The following DNM3 variants were observed in gnomAD, a reference collection of about 807,000 sequenced individuals.
DNM3 encodes the protein dynamin 3.
DNM3 carries 47 observed loss-of-function variants against 101.6 expected under a neutral mutation model. The observed-to-expected ratio is 0.46, with a 90% CI of 0.37 to 0.59. DNM3 has a LOEUF of 0.59. Ranked by LOEUF, DNM3 falls within the 20% of genes least tolerant of loss-of-function variation. The probability of loss-of-function intolerance (pLI) is 0.00; values close to 1 mark genes in which losing one functional copy is unlikely to be tolerated. For synonymous variants in DNM3, 385 were observed against 387.9 expected, an observed-to-expected ratio of 0.99 and a Z score of 0.09; for missense variants, 849 against 1,085.7, an observed-to-expected ratio of 0.78 and a Z score of 3.06.
At chr1:172,208,039 A>G (rs1160710292) in intron 14 of DNM3, among the ~76,000 whole-genome samples, 2 of 152,078 alleles carry the variant, frequency 1.3e-5, no homozygotes, top group Admixed American at 6.6e-5. Flanking sequence ...GAAAAAAAAA[A>G]TCCTTGCTTG....
At chr1:172,182,242 C>T (rs992864176) in intron 14 of DNM3, among the ~76,000 whole-genome samples, 7 of 150,524 alleles carry the variant, frequency 4.7e-5, no homozygotes, top group Admixed American at 3.3e-4. Flanking sequence ...AACAAAAAAA[C>T]GATTTCTCTA....
intron 14 of DNM3, among the ~76,000 whole-genome samples, chr1:172,162,693 CTT>C (rs1207697458): frequency 4.0e-5 from 6 of 151,706 alleles, no homozygotes; most frequent in African/African-American, 1.2e-4. Context: ...AAAACTTTGG[CTT>C]TGTTTTATAA....
chr1:172,112,988 T>C (rs2055591233), intron 13 of DNM3, among the ~76,000 whole-genome samples: 1 of 152,230 alleles, frequency 6.6e-6, no homozygotes, highest in South Asian at 2.1e-4. Flanking sequence ...CCAGTAGTTC[T>C]CATGGCTCCT....
At position 171,921,785 on chromosome 1, in the gene DNM3, C is replaced by T. The variant is rs768922405; in HGVS notation, c.199C>T (p.Arg67Ter). The T allele has an allele frequency of 4.4e-6, 7 of 1,602,394 alleles. No individual in the cohort carries two copies. The highest frequency in any genetic ancestry group is 6.0e-6 in the Non-Finnish European group (7 of 1,173,776). ...TCGAGGGTCGGGCATTGTAACAAGA[C>T]GACCTCTTGTGCTGCAGCTTGTTAC... ...LPRGSGIVTRRPLVLQLVTSK... is the reference protein window; with the variant it reads ...LPRGSGIVTR Residue 67 changes from arginine to a stop codon, truncating the protein, a stop_gained, in exon 2 of 21, where the codon CGA becomes TGA. Transcript: ENST00000627582. LOFTEE classifies it high-confidence loss of function.
intron 17 of DNM3, among the ~76,000 whole-genome samples, chr1:172,351,191 A>T (rs1447326716): frequency 6.6e-6 from 1 of 152,290 alleles, no homozygotes; most frequent in Admixed American, 6.5e-5. Flanking sequence ...CAATTAAAAA[A>T]ATTTAGATAT....
rs1461528935 is a variant in DNM3 at position 172,316,213 on chromosome 1, T to G, written c.1882-7116T>G. ...TGAGAGATTTTGTCACCACCAGGCCTGCCCTGAAAGAGCTCCTGAAGGAAG... is the reference window on the plus strand; with the variant it reads ...TGAGAGATTTTGTCACCACCAGGCCGGCCCTGAAAGAGCTCCTGAAGGAAG... On this transcript the variant is annotated intron_variant, in intron 16 of 20. Coordinates refer to ENST00000627582, the MANE Select transcript of DNM3 (RefSeq NM_015569.5). 5.3e-5 allele frequency among the ~76,000 whole-genome samples: 8 copies of G among 151,940 alleles called. 1 individual carries two copies. In the South Asian group the frequency reaches 1.1e-3, roughly 20 times the overall value.
intron 4 of DNM3, among the ~76,000 whole-genome samples, chr1:172,030,173 T>TA (rs1231395414): frequency 6.6e-6 from 1 of 152,182 alleles, no homozygotes; most frequent in Non-Finnish European, 1.5e-5. Flanking sequence ...AAGGCTACAG[T>TA]AACCAAAACA....
rs997565754 is a variant in DNM3, at chr1:172,259,320, G to T, written c.1769+5638G>T. Among the ~76,000 whole-genome samples, 7 of 152,130 alleles carry T rather than the reference G, an allele frequency of 4.6e-5. No individual in the cohort carries two copies. The South Asian group carries it at 1.2e-3, about 27-fold the overall frequency. On this transcript the variant is annotated intron_variant, in intron 15 of 20. Transcript: ENST00000627582. ...TTCTTCGTTAATTTTCAGTCTAGAT[G>T]ATCTGTCTTATGCTTAGAGTGGAGT...
chr1:172,237,338 G>A (rs2061582804), intron 14 of DNM3, among the ~76,000 whole-genome samples: 1 of 152,016 alleles, frequency 6.6e-6, no homozygotes, highest in African/African-American at 2.4e-5. Flanking sequence ...CAGAGAGCAG[G>A]AAAACAATCT....
intron 15 of DNM3, among the ~76,000 whole-genome samples, chr1:172,256,797 G>T (rs2062418106): frequency 6.6e-6 from 1 of 151,006 alleles, no homozygotes; most frequent in African/African-American, 2.4e-5. Context: ...TTATATATCT[G>T]CATATAAATC....
chr1:172,328,490 T>C (rs2066035115), intron 17 of DNM3, among the ~76,000 whole-genome samples: 1 of 152,192 alleles, frequency 6.6e-6, no homozygotes, highest in Non-Finnish European at 1.5e-5. Flanking sequence ...TGGATGGAGC[T>C]GGAGGCCGTT....
At chr1:172,010,142 C>G (rs192909265) in intron 4 of DNM3, among the ~76,000 whole-genome samples, 21 of 151,962 alleles carry the variant, frequency 1.4e-4, no homozygotes, top group African/African-American at 4.3e-4. Flanking sequence ...ATAAATCTTT[C>G]TATATACAAA....
intron 17 of DNM3, among the ~76,000 whole-genome samples, chr1:172,328,363 A>G (rs1412860093): frequency 6.6e-6 from 1 of 152,176 alleles, no homozygotes; most frequent in Non-Finnish European, 1.5e-5. Context: ...CCAAAACAAG[A>G]GTCGTTCATG....
chr1:171,893,590 A>T (rs2037492779), intron 1 of DNM3, among the ~76,000 whole-genome samples: 1 of 152,070 alleles, frequency 6.6e-6, no homozygotes, highest in African/African-American at 2.4e-5. Flanking sequence ...AATAACTAGG[A>T]CCACAGATGC....
intron 14 of DNM3, among the ~76,000 whole-genome samples, chr1:172,218,689 T>G (rs2060794828): frequency 1.3e-5 from 2 of 152,162 alleles, no homozygotes; most frequent in Non-Finnish European, 2.9e-5. Flanking sequence ...ATTGTGGACT[T>G]GCATATCTAT....
At chr1:172,138,351 CAAAAAAAAAAAA>C (rs926351922) in intron 14 of DNM3, 4 of 60,232 alleles carry the variant, frequency 6.6e-5, no homozygotes, top group Admixed American at 3.8e-4. Flanking sequence ...TATCCCCTTC[CAAAAAAAAAAAA>C]AAAAAAAAAA....
chr1:172,316,975 C>A (rs1274690561), intron 16 of DNM3, among the ~76,000 whole-genome samples: 1 of 152,144 alleles, frequency 6.6e-6, no homozygotes, highest in East Asian at 1.9e-4. Flanking sequence ...CCAAAATTGA[C>A]CACATACTGG....
chr1:172,086,643 G>C (rs115916114), intron 12 of DNM3, among the ~76,000 whole-genome samples: 1,951 of 152,284 alleles, frequency 0.013, 37 homozygotes, highest in African/African-American at 0.044. Flanking sequence ...CTACAGTATA[G>C]TGACTCCGGC....
intron 17 of DNM3, among the ~76,000 whole-genome samples, chr1:172,344,435 A>G (rs1032392421): frequency 2.0e-5 from 3 of 152,120 alleles, no homozygotes; most frequent in African/African-American, 7.2e-5. Context: ...AAATATTGAC[A>G]CCTTCACAAA....
Sources: allele counts gnomAD v4.1 joint callset (sites outside exome capture counted in the v4.1 genomes callset), GRCh38; gene constraint gnomAD v4.1.1; transcripts MANE v1.5; gene names NCBI Gene and HGNC (gene_info 2026-07-23, HGNC 2026-07-21).